Variants in NFIB observed in about 807,000 individuals in gnomAD.
The protein encoded by NFIB is nuclear factor 1 B-type.
NFIB carries 11 observed loss-of-function variants against 61.5 expected under a neutral mutation model. The observed-to-expected ratio is 0.18, with a 90% CI of 0.11 to 0.30. The LOEUF (loss-of-function observed/expected upper bound fraction) is 0.30. Ranked by LOEUF, NFIB falls within the 10% of genes least tolerant of loss-of-function variation. The pLI is 1.00. For synonymous variants in NFIB, 260 were observed against 216.5 expected, an observed-to-expected ratio of 1.20 and a Z score of -1.76; for missense variants, 471 against 608.9, an observed-to-expected ratio of 0.77 and a Z score of 2.38.
chr9:14,445,105 G>C, the NFIB span, among the ~76,000 whole-genome samples: 1 of 152,108 alleles, frequency 6.6e-6, no homozygotes, highest in South Asian at 2.1e-4. Context: ...GCCGTATGGT[G>C]CTTTCTGGCC....
At chr9:14,514,446 C>T in the NFIB span, among the ~76,000 whole-genome samples, 2 of 151,938 alleles carry the variant, frequency 1.3e-5, no homozygotes, top group African/African-American at 2.4e-5. Flanking sequence ...TACCTAGGTA[C>T]TAAAAAGATA....
chr9:14,132,889 T>A (rs2040564731), intron 6 of NFIB, among the ~76,000 whole-genome samples: 1 of 152,188 alleles, frequency 6.6e-6, no homozygotes, highest in South Asian at 2.1e-4. Context: ...CTTCCTTTTT[T>A]TCTTCATCTT....
the NFIB span, among the ~76,000 whole-genome samples, chr9:14,462,524 A>C: frequency 3.9e-5 from 6 of 152,096 alleles, no homozygotes; most frequent in East Asian, 7.8e-4. Flanking sequence ...CCTCATGATC[A>C]GCCCGCCTCG....
chr9:14,454,889 C>G, the NFIB span, among the ~76,000 whole-genome samples: 4 of 152,182 alleles, frequency 2.6e-5, no homozygotes, highest in African/African-American at 9.7e-5. Context: ...TCCCCTATGT[C>G]AAGACACCAG....
intron 4 of NFIB, among the ~76,000 whole-genome samples, chr9:14,155,314 G>T (rs990259356): frequency 6.6e-6 from 1 of 152,040 alleles, no homozygotes; most frequent in Admixed American, 6.6e-5. Context: ...TAAAACAATT[G>T]GACATTGTTT....
chr9:14,438,755 G>T, the NFIB span, among the ~76,000 whole-genome samples: 1 of 152,150 alleles, frequency 6.6e-6, no homozygotes, highest in African/African-American at 2.4e-5. Context: ...CTCGTGAGCG[G>T]GGGCTGATCC....
chr9:14,222,806 AAAAG>A (rs978099971), intron 2 of NFIB, among the ~76,000 whole-genome samples: 7 of 150,628 alleles, frequency 4.6e-5, no homozygotes, highest in Middle Eastern at 3.4e-3. Context: ...AAAAAAAAAA[AAAAG>A]AAAGAAAGAA....
rs754025382 is a variant in NFIB, at chr9:14,215,801, A to G, written c.563-36021T>C. ...GTTATCAAAGCAAATTTAATAAAGAATTTTCAACTATCTTGCCCACTCACT... is the reference window on the plus strand; with the variant it reads ...GTTATCAAAGCAAATTTAATAAAGAGTTTTCAACTATCTTGCCCACTCACT... On this transcript the variant is annotated intron_variant, in intron 2 of 10. Coordinates refer to ENST00000380953, the MANE Select transcript of NFIB (RefSeq NM_001190737.2). Among the ~76,000 whole-genome samples, 100 of 152,330 alleles carry G rather than the reference A, an allele frequency of 6.6e-4. 3 individuals carry two copies. Among genetic ancestry groups the G allele is most frequent in the Non-Finnish European group, 6.3e-4 (43 of 68,036 alleles).
At chr9:14,362,758 G>A (rs1384120459) in intron 1 of NFIB, 1 of 152,022 alleles carries the variant, frequency 6.6e-6, no homozygotes, top group African/African-American at 2.4e-5. Flanking sequence ...AGCCAGGCAT[G>A]GTTCTGTGCA....
chr9:14,357,273 A>T (rs927824738), intron 1 of NFIB: 1 of 152,024 alleles, frequency 6.6e-6, no homozygotes, highest in African/African-American at 2.4e-5. Context: ...CCCAAACCCC[A>T]TGACTCTGAT....
chr9:14,299,738 G>A (rs1276162940), intron 2 of NFIB, among the ~76,000 whole-genome samples: 1 of 152,174 alleles, frequency 6.6e-6, no homozygotes, highest in African/African-American at 2.4e-5. Context: ...TGATTCATCA[G>A]TGCTGTCCTG....
rs189137860 is a variant in NFIB, at chr9:14,133,860, T to C, written c.926-8094A>G. On this transcript the variant is annotated intron_variant, in intron 6 of 10. Coordinates refer to ENST00000380953, the MANE Select transcript of NFIB (RefSeq NM_001190737.2). Reference sequence around the variant, plus strand: ...GTAGAGAATGACAGCAATCCTTACTTTAACAGGTTTTACCTAATAAATAAA... The same window carrying C: ...GTAGAGAATGACAGCAATCCTTACTCTAACAGGTTTTACCTAATAAATAAA... Among the ~76,000 whole-genome samples, 7 of 152,282 alleles carry C rather than the reference T, an allele frequency of 4.6e-5. No individual in the cohort carries two copies. In the East Asian group the frequency reaches 1.4e-3, roughly 29 times the overall value.
chr9:14,158,539 T>G (rs1216631011), intron 3 of NFIB, among the ~76,000 whole-genome samples: 1 of 152,250 alleles, frequency 6.6e-6, no homozygotes, highest in African/African-American at 2.4e-5. Context: ...TTTGTTCATC[T>G]CTATATCTTC....
At chr9:14,203,829 A>G (rs2049322848) in intron 2 of NFIB, among the ~76,000 whole-genome samples, 4 of 152,264 alleles carry the variant, frequency 2.6e-5, no homozygotes, top group Admixed American at 2.6e-4. Context: ...GAAAATGGTG[A>G]CAAGGGGTCT....
chr9:14,433,267 A>G, the NFIB span, among the ~76,000 whole-genome samples: 1 of 152,218 alleles, frequency 6.6e-6, no homozygotes, highest in Non-Finnish European at 1.5e-5. Context: ...GGAAAATGTC[A>G]TTAAAAATTT....
chr9:14,251,108 G>A (rs2055554268), intron 2 of NFIB, among the ~76,000 whole-genome samples: 1 of 152,130 alleles, frequency 6.6e-6, no homozygotes, highest in Non-Finnish European at 1.5e-5. Flanking sequence ...GAAACCTCAA[G>A]AAAAACCTAT....
At chr9:14,095,893 A>T (rs2034702129) in intron 10 of NFIB, among the ~76,000 whole-genome samples, 1 of 152,226 alleles carries the variant, frequency 6.6e-6, no homozygotes, top group Non-Finnish European at 1.5e-5. Context: ...AAACAAAGTG[A>T]GCAAGAGAGA....
intron 1 of NFIB, among the ~76,000 whole-genome samples, chr9:14,375,098 G>A (rs1049910143): frequency 1.3e-5 from 2 of 152,142 alleles, no homozygotes; most frequent in African/African-American, 4.8e-5. Context: ...GGCAGTAACA[G>A]AGACCAGACT....
chr9:14,169,690 T>C (rs1464079222), intron 3 of NFIB, among the ~76,000 whole-genome samples: 1 of 152,144 alleles, frequency 6.6e-6, no homozygotes, highest in African/African-American at 2.4e-5. Flanking sequence ...ACACGGCCCA[T>C]GCCTGTAGTC....
Sources: allele counts gnomAD v4.1 joint callset (sites outside exome capture counted in the v4.1 genomes callset), GRCh38; gene constraint gnomAD v4.1.1; transcripts MANE v1.5; gene names NCBI Gene and HGNC (gene_info 2026-07-23, HGNC 2026-07-21).